Variants in DNAJC2 observed in about 807,000 individuals in gnomAD.
The protein encoded by DNAJC2 is DnaJ heat shock protein family (Hsp40) member C2, also known as dnaJ homolog subfamily C member 2.
A neutral mutation model predicts 94.0 loss-of-function variants in DNAJC2; 32 were observed. The ratio of observed to expected loss-of-function variants is 0.34; its 90% confidence interval spans 0.26 to 0.46. The LOEUF (loss-of-function observed/expected upper bound fraction) is 0.46, where lower values mean the gene tolerates loss of function less well. Among genes scored for constraint, DNAJC2 ranks in the 20% least tolerant of loss-of-function variants. DNAJC2 has a pLI of 1.00. For synonymous variants in DNAJC2, 210 were observed against 229.7 expected, an observed-to-expected ratio of 0.91 and a Z score of 0.77; for missense variants, 550 against 719.5, an observed-to-expected ratio of 0.76 and a Z score of 2.69.
rs1408474106 is a variant in DNAJC2, at chr7:103,318,692, GTT to G, written c.1242+915_1242+916del. On this transcript the variant is annotated intron_variant, in intron 12 of 16. Transcript: ENST00000379263. Reference sequence around the variant, plus strand: ...TGAATTGAATTGAATTTCTGGGCCTGTTTTCTTATCTGTAAAATAAAAGGTAT... The same window carrying G: ...TGAATTGAATTGAATTTCTGGGCCTGTTCTTATCTGTAAAATAAAAGGTAT... Among the ~76,000 whole-genome samples, 3 of 152,228 alleles carry G rather than the reference GTT, an allele frequency of 2.0e-5. No individual in the cohort carries two copies. The East Asian group carries it at 5.8e-4, about 29-fold the overall frequency.
chr7:103,329,727 C>T (rs776187449), intron 3 of DNAJC2, among the ~76,000 whole-genome samples: 3 of 152,058 alleles, frequency 2.0e-5, no homozygotes, highest in Non-Finnish European at 4.4e-5. Flanking sequence ...GTTACTTATT[C>T]TTGCCCTGGG....
rs142852593 is a variant in DNAJC2, at chr7:103,339,540, C to T, written c.256-1729G>A. Among the ~76,000 whole-genome samples the T allele has an allele frequency of 3.2e-4, 49 of 152,248 alleles. No individual in the cohort carries two copies. The East Asian group carries it at 7.7e-3, about 24-fold the overall frequency. On this transcript the variant is annotated intron_variant, in intron 2 of 16. Coordinates refer to ENST00000379263, the MANE Select transcript of DNAJC2 (RefSeq NM_014377.3). ...CATTCACTGTAATCTCTTGCCTTCC[C>T]GATCATTTTACTCAAACTGCTTTCA...
intron 7 of DNAJC2, 72 bp downstream of exon 7, chr7:103,323,526 C>A: frequency 7.5e-7 from 1 of 1,338,466 alleles, no homozygotes; most frequent in Non-Finnish European, 9.8e-7. Context: ...ATTTACGTGA[C>A]AATTTTTACA....
chr7:103,327,692 C>T lies in DNAJC2; in HGVS notation c.394G>A (p.Glu132Lys). ...CAAGTGAAGTAGTCATTATCTCCTT[C>T]TTTTATTGGTTCACCAGCTGCTTTC... ...KRKAAGEPIKEGDNDYFTCIT... is the reference protein window; with the variant it reads ...KRKAAGEPIKKGDNDYFTCIT... Residue 132 changes from glutamate (E) to lysine (K), a missense_variant, in exon 4 of 17, where the codon GAA becomes AAA. Around this residue, in one of 2 missense-constraint regions of DNAJC2, gnomAD observed 279 missense variants for 416.9 expected, o/e 0.67. Transcript: ENST00000379263. The T allele has an allele frequency of 3.1e-6, 5 of 1,613,320 alleles. No homozygotes were observed. The highest frequency in any genetic ancestry group is 3.4e-6 in the Non-Finnish European group (4 of 1,179,598).
chr7:103,339,870 C>T (rs1819313137), intron 2 of DNAJC2, among the ~76,000 whole-genome samples: 1 of 152,096 alleles, frequency 6.6e-6, no homozygotes, highest in Admixed American at 6.6e-5. Context: ...TAGAGTTTTG[C>T]TCTTGTTGCC....
At chr7:103,315,220 A>G (rs1817982217) in intron 15 of DNAJC2, among the ~76,000 whole-genome samples, 1 of 151,598 alleles carries the variant, frequency 6.6e-6, no homozygotes, top group African/African-American at 2.4e-5. Flanking sequence ...AACCCTAACA[A>G]TTTTTAACAT....
At position 103,313,095 on chromosome 7, in the gene DNAJC2, T is replaced by C; in HGVS notation, c.1643A>G (p.Tyr548Cys). The change falls in exon 16 of 17, where the codon TAT becomes TGT. Residue 548 changes from tyrosine (Y) to cysteine (C), a missense_variant. Coordinates refer to ENST00000379263, the MANE Select transcript of DNAJC2 (RefSeq NM_014377.3). ...TGTTGTCCAAGGGGTGAAGTCTGTATATGGACCTGATTAAGAAAAATTTTT... is the reference window on the plus strand; with the variant it reads ...TGTTGTCCAAGGGGTGAAGTCTGTACATGGACCTGATTAAGAAAAATTTTT... ...ATPSERFEGP[Y>C]TDFTPWTTEE... 6.3e-7 allele frequency: 1 copy of C among 1,598,912 alleles called. No individual in the cohort carries two copies. Among genetic ancestry groups the C allele is most frequent in the Non-Finnish European group, 8.5e-7 (1 of 1,176,268 alleles).
At chr7:103,339,562 T>G (rs1031981894) in intron 2 of DNAJC2, among the ~76,000 whole-genome samples, 21 of 152,192 alleles carry the variant, frequency 1.4e-4, no homozygotes, top group African/African-American at 5.1e-4. Flanking sequence ...TCAAACTGCT[T>G]TCAATGAGGA....
rs560402985 is a variant in DNAJC2, at chr7:103,322,254, T to G, written c.934-173A>C. Among the ~76,000 whole-genome samples the G allele has an allele frequency of 2.0e-5, 3 of 152,256 alleles. No homozygotes were observed. In the East Asian group the frequency reaches 5.8e-4, roughly 29 times the overall value. On this transcript the variant is annotated intron_variant, in intron 9 of 16. Coordinates refer to ENST00000379263, the MANE Select transcript of DNAJC2 (RefSeq NM_014377.3). ...ACAGCTGGTAAAGATCTATAAACAT[T>G]TATTAGAAAATGTAAAATTGACATA...
Position 103,312,478 on chromosome 7 carries a change from T to G in DNAJC2, c.*91A>C. 1.9e-6 allele frequency: 3 copies of G among 1,556,880 alleles called. No homozygotes were observed. The highest frequency in any genetic ancestry group is 2.6e-6 in the Non-Finnish European group (3 of 1,158,036). On this transcript the variant is annotated 3_prime_UTR_variant, in exon 17 of 17. Coordinates refer to ENST00000379263, the MANE Select transcript of DNAJC2 (RefSeq NM_014377.3). Reference sequence around the variant, plus strand: ...GAAATTATGTTGGAAGCAGCATACTTTCAAATTATTACCATGAGTATAATT... The same window carrying G: ...GAAATTATGTTGGAAGCAGCATACTGTCAAATTATTACCATGAGTATAATT...
intron 2 of DNAJC2, among the ~76,000 whole-genome samples, chr7:103,341,463 G>C (rs1018693332): frequency 1.3e-5 from 2 of 152,136 alleles, no homozygotes; most frequent in African/African-American, 4.8e-5. Context: ...TTGTGTCTTT[G>C]TATATCTTAC....
intron 12 of DNAJC2, among the ~76,000 whole-genome samples, chr7:103,318,306 C>T (rs1244693852): frequency 1.3e-5 from 2 of 152,154 alleles, no homozygotes; most frequent in African/African-American, 4.8e-5. Flanking sequence ...GTTGGGACTA[C>T]AGGTACACGA....
intron 3 of DNAJC2, among the ~76,000 whole-genome samples, chr7:103,331,040 C>T (rs571732747): frequency 6.6e-6 from 1 of 151,984 alleles, no homozygotes; most frequent in South Asian, 2.1e-4. Context: ...CTCACTGCAA[C>T]CTCCACCTCC....
chr7:103,341,243 T>C (rs1306363262), intron 2 of DNAJC2, among the ~76,000 whole-genome samples: 1 of 152,208 alleles, frequency 6.6e-6, no homozygotes, highest in Non-Finnish European at 1.5e-5. Context: ...GCCAAGGGAA[T>C]TACTTTTCTA....
chr7:103,343,290 C>T (rs1819462512), intron 1 of DNAJC2, among the ~76,000 whole-genome samples: 1 of 152,142 alleles, frequency 6.6e-6, no homozygotes, highest in Admixed American at 6.5e-5. Flanking sequence ...CGTGAGCCAC[C>T]GCACCCAGAC....
intron 15 of DNAJC2, chr7:103,314,386 T>G: frequency 1.0e-6 from 1 of 985,382 alleles, no homozygotes; most frequent in Non-Finnish European, 1.2e-6. Flanking sequence ...GCCTTCCCAT[T>G]TCCATAAAAG....
chr7:103,322,982 T>G (rs1007908067), intron 7 of DNAJC2, among the ~76,000 whole-genome samples, 188 bp from the exon 8 acceptor site: 1 of 150,732 alleles, frequency 6.6e-6, no homozygotes, highest in Non-Finnish European at 1.5e-5. Context: ...CAGGCTGGAG[T>G]GCAATGGCGT....
chr7:103,337,610 C>T, intron 3 of DNAJC2, 126 bp downstream of exon 3: 2 of 755,162 alleles, frequency 2.6e-6, no homozygotes, highest in Non-Finnish European at 4.3e-6. Flanking sequence ...CTTGTTATGA[C>T]AATATAACAC....
intron 16 of DNAJC2, 110 bp downstream of exon 16, chr7:103,312,837 T>G: frequency 6.6e-7 from 1 of 1,524,240 alleles, no homozygotes; most frequent in Non-Finnish European, 8.8e-7. Context: ...TAACTACTGG[T>G]TTTGAAATAA....
Sources: allele counts gnomAD v4.1 joint callset (sites outside exome capture counted in the v4.1 genomes callset), GRCh38; gene constraint gnomAD v4.1.1; regional missense constraint gnomAD v4.1.1; transcripts MANE v1.5; gene names NCBI Gene and HGNC (gene_info 2026-07-23, HGNC 2026-07-21).